Variants in SLC41A2 observed in about 807,000 individuals in gnomAD.
SLC41A2 encodes the protein SLC41A1-like 1.
In SLC41A2, 32 loss-of-function variants were observed where a neutral mutation model predicts 58.3. The observed-to-expected ratio is 0.55, with a 90% CI of 0.41 to 0.74. The LOEUF (loss-of-function observed/expected upper bound fraction) is 0.74. Among genes scored for constraint, SLC41A2 ranks in the 30% least tolerant of loss-of-function variants. The pLI is 0.00. For missense variants in SLC41A2, 514 were observed against 680.6 expected (o/e 0.76, Z 2.72); for synonymous variants, 190 against 235.0 (o/e 0.81, Z 1.75).
At chr12:104,832,501 T>C (rs1319686466) in intron 10 of SLC41A2, among the ~76,000 whole-genome samples, 1 of 152,206 alleles carries the variant, frequency 6.6e-6, no homozygotes, top group Non-Finnish European at 1.5e-5. Context: ...CAATTTGAAC[T>C]GACAATTCAA....
intron 8 of SLC41A2, among the ~76,000 whole-genome samples, chr12:104,852,733 T>C (rs926429869): frequency 6.6e-6 from 1 of 152,172 alleles, no homozygotes; most frequent in Non-Finnish European, 1.5e-5. Flanking sequence ...GTAAACAACA[T>C]AATTATTGAA....
intron 4 of SLC41A2, among the ~76,000 whole-genome samples, chr12:104,893,131 T>C (rs1485719097): frequency 6.6e-6 from 1 of 152,072 alleles, no homozygotes; most frequent in African/African-American, 2.4e-5. Flanking sequence ...CCAGAATATA[T>C]AAGGAGCTTA....
chr12:104,815,057 T>TAA (rs1388020971), intron 10 of SLC41A2, among the ~76,000 whole-genome samples: 2 of 152,254 alleles, frequency 1.3e-5, no homozygotes, highest in South Asian at 2.1e-4. Flanking sequence ...ACAATATGAA[T>TAA]AAAGTTTTCT....
intron 10 of SLC41A2, among the ~76,000 whole-genome samples, chr12:104,816,797 C>A (rs1175450365): frequency 1.3e-5 from 2 of 152,140 alleles, no homozygotes; most frequent in Non-Finnish European, 2.9e-5. Context: ...GTCTAACAAT[C>A]CCAAATTGAG....
chr12:104,903,546 TG>T (rs1479606971), intron 3 of SLC41A2, among the ~76,000 whole-genome samples: 2 of 152,116 alleles, frequency 1.3e-5, no homozygotes, highest in African/African-American at 4.8e-5. Flanking sequence ...AGTTTTGGAG[TG>T]GGGCTGAGAA....
Position 104,874,297 on chromosome 12 carries a change from A to G in SLC41A2, c.1028-7718T>C, listed in dbSNP as rs576025707. Among the ~76,000 whole-genome samples, 601 of 152,076 alleles carry G rather than the reference A, an allele frequency of 4.0e-3. 4 individuals carry two copies. The highest frequency in any genetic ancestry group is 3.4e-3 in the Non-Finnish European group (231 of 67,970). ...CACCGTGTTAGCCAGGATGGTCTCCATCTCCTGACCTCGTGATCCACCCGC... is the reference window on the plus strand; with the variant it reads ...CACCGTGTTAGCCAGGATGGTCTCCGTCTCCTGACCTCGTGATCCACCCGC... On this transcript the variant is annotated intron_variant, in intron 6 of 10. Coordinates refer to ENST00000258538, the MANE Select transcript of SLC41A2 (RefSeq NM_001352171.3).
intron 7 of SLC41A2, among the ~76,000 whole-genome samples, chr12:104,862,643 T>A (rs1191754437): frequency 1.3e-5 from 2 of 152,226 alleles, no homozygotes; most frequent in Admixed American, 6.5e-5. Context: ...AGACTTTTTT[T>A]AACTTATTTT....
chr12:104,932,980 G>T (rs2047127368), intron 1 of SLC41A2, among the ~76,000 whole-genome samples: 2 of 152,014 alleles, frequency 1.3e-5, no homozygotes, highest in South Asian at 4.2e-4. Context: ...TGTAGGCAAA[G>T]AATTTATGGC....
At chr12:104,886,692 G>C (rs1192957043) in intron 5 of SLC41A2, among the ~76,000 whole-genome samples, 1 of 151,902 alleles carries the variant, frequency 6.6e-6, no homozygotes, top group Non-Finnish European at 1.5e-5. Flanking sequence ...CTAAAATTAT[G>C]GTAAAGCTAA....
chr12:104,946,302 T>C (rs530334668), intron 1 of SLC41A2, among the ~76,000 whole-genome samples: 7 of 152,314 alleles, frequency 4.6e-5, no homozygotes, highest in African/African-American at 1.2e-4. Context: ...TCTCACTCTA[T>C]TGCCCAGGAG....
At chr12:104,924,513 G>A (rs917660597) in intron 2 of SLC41A2, among the ~76,000 whole-genome samples, 5 of 152,240 alleles carry the variant, frequency 3.3e-5, no homozygotes, top group Admixed American at 6.5e-5. Context: ...GGGAGGCTGA[G>A]GCAGGCGGAT....
chr12:104,907,094 A>AT (rs1193163563), intron 3 of SLC41A2, among the ~76,000 whole-genome samples: 4 of 150,890 alleles, frequency 2.7e-5, no homozygotes, highest in African/African-American at 9.8e-5. Flanking sequence ...ATGGATTCTT[A>AT]TTTTTTTCCA....
At chr12:104,850,365 G>A (rs1166449562) in intron 8 of SLC41A2, among the ~76,000 whole-genome samples, 2 of 152,144 alleles carry the variant, frequency 1.3e-5, no homozygotes, top group African/African-American at 2.4e-5. Context: ...CCAAATCTAC[G>A]CAGTTTAATC....
At position 104,866,421 on chromosome 12, in the gene SLC41A2, T is replaced by TTAATA. The variant is rs779617989; in HGVS notation, c.1175+6_1175+10dup. ...ACACACACACACACACACACATATT[T>TTAATA]TAATACTAACCTACTTATAACCATA... On this transcript the variant is annotated intron_variant, in intron 7 of 10. Coordinates refer to ENST00000258538, the MANE Select transcript of SLC41A2 (RefSeq NM_001352171.3). 8 of 1,604,728 alleles carry TTAATA rather than the reference T, an allele frequency of 5.0e-6. No homozygotes were observed. The highest frequency in any genetic ancestry group is 6.8e-6 in the Non-Finnish European group (8 of 1,176,590).
At chr12:104,897,922 T>A (rs1315614746) in intron 3 of SLC41A2, among the ~76,000 whole-genome samples, 2 of 152,174 alleles carry the variant, frequency 1.3e-5, no homozygotes. Flanking sequence ...TCTAAGTTTT[T>A]TCTAAAGTGG....
At chr12:104,821,838 C>T (rs1007569470) in intron 10 of SLC41A2, among the ~76,000 whole-genome samples, 3 of 152,200 alleles carry the variant, frequency 2.0e-5, no homozygotes, top group Admixed American at 6.5e-5. Context: ...AGGTTAAGTG[C>T]ACTAGCATTC....
At chr12:104,824,079 A>G (rs994615027) in intron 10 of SLC41A2, among the ~76,000 whole-genome samples, 3 of 152,052 alleles carry the variant, frequency 2.0e-5, no homozygotes, top group Admixed American at 6.5e-5. Context: ...GGAAGTGCTG[A>G]AGGGAAGGGA....
chr12:104,940,770 T>C (rs1449772586), intron 1 of SLC41A2, among the ~76,000 whole-genome samples: 3 of 151,350 alleles, frequency 2.0e-5, no homozygotes, highest in African/African-American at 7.3e-5. Flanking sequence ...ATACAAAAAA[T>C]TAGCTGGGTG....
chr12:104,939,432 A>G (rs1391344108), intron 1 of SLC41A2, among the ~76,000 whole-genome samples: 2 of 152,176 alleles, frequency 1.3e-5, no homozygotes, highest in African/African-American at 4.8e-5. Flanking sequence ...TCCTGGCCTC[A>G]AGTGATCACT....
Sources: allele counts gnomAD v4.1 joint callset (sites outside exome capture counted in the v4.1 genomes callset), GRCh38; gene constraint gnomAD v4.1.1; transcripts MANE v1.5; gene names NCBI Gene and HGNC (gene_info 2026-07-23, HGNC 2026-07-21).